The following CADPS2 variants were observed in gnomAD, a reference collection of about 807,000 sequenced individuals.
CADPS2 encodes the protein calcium dependent secretion activator 2.
In CADPS2, 93 loss-of-function variants were observed where a neutral mutation model predicts 172.5. The observed-to-expected ratio is 0.54, with a 90% CI of 0.46 to 0.64. The LOEUF (loss-of-function observed/expected upper bound fraction) is 0.64, where lower values mean the gene tolerates loss of function less well. Ranked by LOEUF, CADPS2 falls within the 30% of genes least tolerant of loss-of-function variation. The pLI, the probability that CADPS2 is intolerant of heterozygous loss-of-function variation, is 0.00. For synonymous variants in CADPS2, 546 were observed against 555.2 expected (o/e 0.98, Z 0.23); for missense variants, 1,420 against 1,565.9 (o/e 0.91, Z 1.57).
intron 19 of CADPS2, chr7:122,412,901 G>T: frequency 6.6e-6 from 1 of 152,334 alleles, no homozygotes; most frequent in Non-Finnish European, 1.5e-5. Flanking sequence ...TGATCACCAC[G>T]CTATGCATCT....
intron 8 of CADPS2, among the ~76,000 whole-genome samples, chr7:122,536,350 A>G (rs1337339604): frequency 6.6e-6 from 1 of 152,088 alleles, no homozygotes; most frequent in Non-Finnish European, 1.5e-5. Flanking sequence ...TTAACGAGTA[A>G]GAGAGCTAAG....
At chr7:122,674,270 G>A (rs1397510129) in intron 2 of CADPS2, among the ~76,000 whole-genome samples, 1 of 152,222 alleles carries the variant, frequency 6.6e-6, no homozygotes, top group African/African-American at 2.4e-5. Flanking sequence ...CCCAGAGAGT[G>A]GCTCCCACAG....
chr7:122,343,830 T>C (rs1269980309), intron 28 of CADPS2, among the ~76,000 whole-genome samples: 1 of 152,198 alleles, frequency 6.6e-6, no homozygotes, highest in Non-Finnish European at 1.5e-5. Flanking sequence ...AAATGAAACA[T>C]ATGCTTGTAA....
At chr7:122,734,058 A>AT (rs1418746160) in intron 2 of CADPS2, among the ~76,000 whole-genome samples, 1 of 151,980 alleles carries the variant, frequency 6.6e-6, no homozygotes, top group African/African-American at 2.4e-5. Context: ...AGAAATTCTT[A>AT]TTCAACAGGT....
Position 122,361,248 on chromosome 7 carries a change from A to ATTTTT in CADPS2, c.3388-236_3388-235insAAAAA, listed in dbSNP as rs1181719835. On this transcript the variant is annotated intron_variant, in intron 25 of 29. Transcript: ENST00000449022. ...ACTTTTTTTTTTTTTTTTTTTTTTA[A>ATTTTT]AATGAGATGGAGGCTTGCTCTGTCA... Among the ~76,000 whole-genome samples the ATTTTT allele has an allele frequency of 2.3e-4, 26 of 111,168 alleles. 3 individuals are homozygous for ATTTTT. Among genetic ancestry groups the ATTTTT allele is most frequent in the East Asian group, 2.4e-4 (1 of 4,164 alleles). 72.9% of individuals were successfully genotyped at this position (111,168 alleles called of 152,430 possible). A position where few individuals can be genotyped will look rare whatever the true frequency, so the allele number is the denominator to read the frequency against.
chr7:122,706,786 A>C (rs2087617049), intron 2 of CADPS2, among the ~76,000 whole-genome samples: 1 of 148,420 alleles, frequency 6.7e-6, no homozygotes, highest in African/African-American at 2.5e-5. Context: ...GTGTGTGTAC[A>C]TACATATATA....
intron 28 of CADPS2, among the ~76,000 whole-genome samples, chr7:122,335,926 T>C (rs1468149328): frequency 6.6e-6 from 1 of 152,128 alleles, no homozygotes; most frequent in Non-Finnish European, 1.5e-5. Flanking sequence ...AAAAGAGAAA[T>C]GGGTTTAAAA....
At chr7:122,330,172 G>A (rs2034670458) in intron 28 of CADPS2, among the ~76,000 whole-genome samples, 1 of 152,218 alleles carries the variant, frequency 6.6e-6, no homozygotes, top group Non-Finnish European at 1.5e-5. Context: ...TTTGGCAAGA[G>A]TTGAGTCATT....
intron 3 of CADPS2, among the ~76,000 whole-genome samples, chr7:122,662,294 A>G (rs1563995687): frequency 1.3e-5 from 2 of 152,188 alleles, no homozygotes; most frequent in Non-Finnish European, 1.5e-5. Flanking sequence ...AAATGCAAAT[A>G]TAGAAGGACT....
chr7:122,572,938 T>G (rs1480652224), intron 7 of CADPS2, among the ~76,000 whole-genome samples: 1 of 152,158 alleles, frequency 6.6e-6, no homozygotes, highest in Non-Finnish European at 1.5e-5. Context: ...AATAGGTATT[T>G]GCATCTGCCA....
At chr7:122,537,551 TAAAAC>T (rs907897002) in intron 8 of CADPS2, among the ~76,000 whole-genome samples, 1 of 151,220 alleles carries the variant, frequency 6.6e-6, no homozygotes, top group African/African-American at 2.4e-5. Flanking sequence ...AGTAATAAAA[TAAAAC>T]AAATAAAAAC....
intron 24 of CADPS2, chr7:122,386,212 GA>G: frequency 1.0e-6 from 1 of 965,584 alleles, no homozygotes; most frequent in Non-Finnish European, 1.4e-6. Flanking sequence ...ATTTTAATTT[GA>G]AAAGATGAAA....
At chr7:122,756,627 G>A (rs1262997035) in intron 1 of CADPS2, among the ~76,000 whole-genome samples, 7 of 152,112 alleles carry the variant, frequency 4.6e-5, no homozygotes, top group Admixed American at 1.3e-4. Flanking sequence ...GGTTGGGCGC[G>A]GTGGCACACG....
intron 9 of CADPS2, among the ~76,000 whole-genome samples, chr7:122,503,337 A>G (rs1411490525): frequency 6.6e-6 from 1 of 152,084 alleles, no homozygotes; most frequent in Non-Finnish European, 1.5e-5. Context: ...CACGGCCAAT[A>G]CAATTTTCAA....
intron 2 of CADPS2, among the ~76,000 whole-genome samples, chr7:122,707,431 C>A (rs957365047): frequency 6.6e-6 from 1 of 151,932 alleles, no homozygotes; most frequent in African/African-American, 2.4e-5. Context: ...GGTAAGAGTG[C>A]TCACACTTCC....
chr7:122,667,027 T>A, intron 2 of CADPS2, among the ~76,000 whole-genome samples: 1 of 152,232 alleles, frequency 6.6e-6, no homozygotes, highest in East Asian at 1.9e-4. Context: ...GCTACTCCTA[T>A]ATTCTTTAGA....
intron 2 of CADPS2, among the ~76,000 whole-genome samples, chr7:122,675,736 A>G (rs2082316203): frequency 6.6e-6 from 1 of 152,130 alleles, no homozygotes. Context: ...ACCAAACACC[A>G]TACATTCTCA....
intron 25 of CADPS2, among the ~76,000 whole-genome samples, chr7:122,361,774 A>G (rs534927807): frequency 1.3e-5 from 2 of 152,086 alleles, no homozygotes; most frequent in Non-Finnish European, 2.9e-5. Flanking sequence ...GAGGTTGAAT[A>G]TAAAAGAACA....
intron 12 of CADPS2, among the ~76,000 whole-genome samples, chr7:122,479,574 G>A (rs1350990858): frequency 6.6e-6 from 1 of 152,086 alleles, no homozygotes; most frequent in African/African-American, 2.4e-5. Flanking sequence ...GCTTCTTTTG[G>A]TTAAATTGAT....
Sources: allele counts gnomAD v4.1 joint callset (sites outside exome capture counted in the v4.1 genomes callset), GRCh38; gene constraint gnomAD v4.1.1; transcripts MANE v1.5; gene names NCBI Gene and HGNC (gene_info 2026-07-23, HGNC 2026-07-21).